BMPR1A: variants seen among roughly 807,000 people sequenced by gnomAD.
The protein encoded by BMPR1A is bone morphogenetic protein receptor type 1A, also known as bone morphogenetic protein receptor type-1A.
A neutral mutation model predicts 66.0 loss-of-function variants in BMPR1A; 7 were observed. That is an observed-to-expected ratio of 0.11 (90% confidence interval 0.06 to 0.20). The LOEUF is 0.20. BMPR1A is among the 10% of genes least tolerant of loss of function. The pLI, the probability that BMPR1A is intolerant of heterozygous loss-of-function variation, is 1.00. For missense variants in BMPR1A, 408 were observed against 669.1 expected (o/e 0.61, Z 4.31); for synonymous variants, 200 against 229.7 (o/e 0.87, Z 1.17).
intron 1 of BMPR1A, among the ~76,000 whole-genome samples, chr10:86,780,541 TCTC>T (rs1269275599): frequency 6.6e-6 from 1 of 152,072 alleles, no homozygotes; most frequent in East Asian, 1.9e-4. Flanking sequence ...TTCAAGCAAT[TCTC>T]CTGCCTCAGC....
chr10:86,794,056 A>G (rs1841669285), intron 1 of BMPR1A, among the ~76,000 whole-genome samples: 1 of 152,180 alleles, frequency 6.6e-6, no homozygotes, highest in Admixed American at 6.5e-5. Context: ...CAACAAGCTC[A>G]TCCAGGATAA....
chr10:86,757,668 C>A (rs540022032), intron 1 of BMPR1A, among the ~76,000 whole-genome samples: 2 of 152,310 alleles, frequency 1.3e-5, no homozygotes, highest in South Asian at 2.1e-4. Flanking sequence ...TGCAGGTTTT[C>A]TCTTTTAAGC....
At chr10:86,929,807 TA>T, downstream of BMPR1A, 1 of 152,384 alleles carries the variant, frequency 6.6e-6, no homozygotes, top group Non-Finnish European at 1.5e-5. Context: ...AAGGTTTCTT[TA>T]ATATTATTAA....
chr10:86,836,730 C>T (rs1424155621), intron 1 of BMPR1A, among the ~76,000 whole-genome samples: 4 of 152,028 alleles, frequency 2.6e-5, no homozygotes, highest in African/African-American at 7.2e-5. Flanking sequence ...CCCAGGAATT[C>T]GAGACCAGCC....
At chr10:86,790,221 ATATATATATATATATC>A (rs1564685630) in intron 1 of BMPR1A, among the ~76,000 whole-genome samples, 5 of 102,188 alleles carry the variant, frequency 4.9e-5, no homozygotes, top group African/African-American at 1.9e-4. Flanking sequence ...ATATATATAT[ATATATATATATATATC>A]AAAACCACAA....
At chr10:86,838,665 A>ACATTTGT (rs1842385575) in intron 1 of BMPR1A, among the ~76,000 whole-genome samples, 200 bp from the exon 2 acceptor site, 1 of 152,018 alleles carries the variant, frequency 6.6e-6, no homozygotes, top group Admixed American at 6.6e-5. Context: ...CCACAGAACT[A>ACATTTGT]ACTTTACAAA....
rs1289293156 is a variant in BMPR1A at position 86,916,086 on chromosome 10, C to G, written c.676-1048C>G. On this transcript the variant is annotated intron_variant, in intron 8 of 12. Coordinates refer to ENST00000372037, the MANE Select transcript of BMPR1A (RefSeq NM_004329.3). ...AAGGTGTTTAAGTGAGAAAATAGCA[C>G]TCTAAGTAAAGGGAACTGGATATTC... is the stretch of plus-strand genomic sequence containing the variant. 3.9e-5 allele frequency among the ~76,000 whole-genome samples: 6 copies of G among 152,190 alleles called. No homozygotes were observed. In the East Asian group the frequency reaches 9.6e-4, roughly 24 times the overall value.
intron 3 of BMPR1A, among the ~76,000 whole-genome samples, chr10:86,885,988 T>C (rs1843062270): frequency 6.6e-6 from 1 of 152,218 alleles, no homozygotes; most frequent in South Asian, 2.1e-4. Flanking sequence ...TGTAACTGTT[T>C]GTCTCTTTGT....
intron 3 of BMPR1A, among the ~76,000 whole-genome samples, chr10:86,886,862 GCT>G (rs1843074305): frequency 8.3e-6 from 1 of 120,126 alleles, no homozygotes; most frequent in Admixed American, 1.1e-4. Context: ...ATGGATTTTC[GCT>G]CTTGTCGCCC....
chr10:86,830,785 T>C (rs1842257886), intron 1 of BMPR1A, among the ~76,000 whole-genome samples: 1 of 152,186 alleles, frequency 6.6e-6, no homozygotes, highest in African/African-American at 2.4e-5. Context: ...TTTTTTGCCT[T>C]CTTAAACAGG....
At chr10:86,774,822 A>G (rs142377420) in intron 1 of BMPR1A, among the ~76,000 whole-genome samples, 19 of 152,384 alleles carry the variant, frequency 1.2e-4, no homozygotes, top group African/African-American at 3.8e-4. Context: ...GAGGAAAACA[A>G]TACAACCATC....
intron 1 of BMPR1A, among the ~76,000 whole-genome samples, chr10:86,759,968 C>A (rs1357356923): frequency 7.0e-6 from 1 of 143,382 alleles, no homozygotes; most frequent in Admixed American, 7.1e-5. Context: ...CCCCCACCAC[C>A]CCGCGACTCC....
intron 1 of BMPR1A, among the ~76,000 whole-genome samples, chr10:86,777,633 A>G (rs529468916): frequency 2.0e-5 from 3 of 152,298 alleles, no homozygotes; most frequent in Admixed American, 6.5e-5. Flanking sequence ...TTAAGTATAC[A>G]TCACAGTGTT....
At chr10:86,910,457 T>TA (rs1277336716) in intron 7 of BMPR1A, among the ~76,000 whole-genome samples, 3 of 152,216 alleles carry the variant, frequency 2.0e-5, no homozygotes, top group Non-Finnish European at 4.4e-5. Context: ...TTACGTGGAA[T>TA]GATACCCCAG....
At chr10:86,800,495 G>A (rs187313702) in intron 1 of BMPR1A, among the ~76,000 whole-genome samples, 5 of 152,290 alleles carry the variant, frequency 3.3e-5, no homozygotes, top group Admixed American at 1.3e-4. Context: ...AGGTTCAAGC[G>A]ATTCTTCTGC....
At chr10:86,910,401 T>A (rs1163145454) in intron 7 of BMPR1A, among the ~76,000 whole-genome samples, 2 of 152,026 alleles carry the variant, frequency 1.3e-5, no homozygotes, top group Non-Finnish European at 2.9e-5. Context: ...AGCTATACAG[T>A]GGAATACTAT....
intron 2 of BMPR1A, among the ~76,000 whole-genome samples, chr10:86,853,590 A>G (rs957612234): frequency 8.2e-5 from 12 of 145,928 alleles, no homozygotes; most frequent in Non-Finnish European, 1.2e-4. Context: ...GTTCTTTTCT[A>G]TTTTCCGTAA....
intron 1 of BMPR1A, among the ~76,000 whole-genome samples, chr10:86,779,094 G>C (rs1277786960): frequency 6.6e-6 from 1 of 151,958 alleles, no homozygotes; most frequent in African/African-American, 2.4e-5. Flanking sequence ...TGACTGAGGA[G>C]TATTCCACTG....
At chr10:86,870,606 G>A (rs965519125) in intron 2 of BMPR1A, among the ~76,000 whole-genome samples, 1 of 151,718 alleles carries the variant, frequency 6.6e-6, no homozygotes, top group Non-Finnish European at 1.5e-5. Flanking sequence ...TAAGTTTTTT[G>A]TACAGATGAG....
Sources: gnomAD v4.1 joint callset for allele counts (sites outside exome capture counted in the v4.1 genomes callset) on GRCh38, gnomAD v4.1.1 for gene constraint, MANE v1.5 for transcripts, NCBI Gene and HGNC (gene_info 2026-07-23, HGNC 2026-07-21) for gene names.